Variants in ADGRB1 observed in about 807,000 individuals in gnomAD.
ADGRB1 encodes the protein brain-specific angiogenesis inhibitor 1.
Under a neutral mutation model 175.7 loss-of-function variants are expected in ADGRB1, and 36 were observed. That is an observed-to-expected ratio of 0.20 (90% CI 0.16 to 0.27). ADGRB1 has a LOEUF of 0.27. ADGRB1 is among the 10% of genes least tolerant of loss of function. The pLI, the probability that ADGRB1 is intolerant of heterozygous loss-of-function variation, is 1.00. For missense variants in ADGRB1, 1,731 were observed against 2,255.3 expected (o/e 0.77, Z 4.71); for synonymous variants, 1,054 against 979.4 (o/e 1.08, Z -1.42).
At chr8:142,528,933 G>A (rs1844412838) in intron 24 of ADGRB1, among the ~76,000 whole-genome samples, 1 of 152,236 alleles carries the variant, frequency 6.6e-6, no homozygotes, top group Non-Finnish European at 1.5e-5. Flanking sequence ...TAGGGAAGGA[G>A]CGGTGGTCAG....
intron 18 of ADGRB1, 42 bp from the exon 19 acceptor site, chr8:142,518,096 T>A (rs1563732964): frequency 6.3e-7 from 1 of 1,591,166 alleles, no homozygotes; most frequent in Admixed American, 1.7e-5. Context: ...AGTGGGCGAG[T>A]GGGGTGCCTC....
chr8:142,526,518 C>G, intron 23 of ADGRB1, 24 bp from the exon 24 acceptor site: 3 of 1,492,476 alleles, frequency 2.0e-6, no homozygotes, highest in Non-Finnish European at 1.8e-6. Context: ...CACCCCCACA[C>G]CCCCACCACT....
At chr8:142,514,469 G>A (rs769691270) in intron 18 of ADGRB1, among the ~76,000 whole-genome samples, 1 of 152,210 alleles carries the variant, frequency 6.6e-6, no homozygotes, top group Non-Finnish European at 1.5e-5. Flanking sequence ...CTGTCTCAGA[G>A]TGGTGGGGAC....
rs79494011 is a variant in ADGRB1 at position 142,506,152 on chromosome 8, G to A, written c.2676-4780G>A. ...AAACAGAACCAGAACTTGTCCCTTG[G>A]GTTTCTTGGCACGGAGGTCCTTGGC... On this transcript the variant is annotated intron_variant, in intron 17 of 30. Transcript: ENST00000517894. Among the ~76,000 whole-genome samples, 1,163 of 152,340 alleles carry A rather than the reference G, an allele frequency of 7.6e-3. 16 individuals are homozygous for A. The highest frequency in any genetic ancestry group is 0.026 in the African/African-American group (1,089 of 41,568).
At chr8:142,501,496 G>T (rs1271372876) in intron 17 of ADGRB1, among the ~76,000 whole-genome samples, 2 of 140,240 alleles carry the variant, frequency 1.4e-5, no homozygotes, top group Non-Finnish European at 1.5e-5. Context: ...GGTGGTGGTA[G>T]TGATGTTTGT....
chr8:142,460,523 C>T (rs1285317096), intron 1 of ADGRB1, among the ~76,000 whole-genome samples: 1 of 152,152 alleles, frequency 6.6e-6, no homozygotes, highest in Non-Finnish European at 1.5e-5. Context: ...TAACCTGAGC[C>T]CTCTCTCCCC....
intron 17 of ADGRB1, among the ~76,000 whole-genome samples, chr8:142,496,145 G>A (rs1201649380): frequency 6.7e-6 from 1 of 149,680 alleles, no homozygotes; most frequent in Non-Finnish European, 1.5e-5. Flanking sequence ...GAATAGGTGT[G>A]TGGGTGGGTG....
At chr8:142,525,926 CAG>C (rs907785967) in intron 23 of ADGRB1, among the ~76,000 whole-genome samples, 5 of 152,136 alleles carry the variant, frequency 3.3e-5, no homozygotes, top group Non-Finnish European at 5.9e-5. Context: ...GGCCAGGAGA[CAG>C]GGGGAGACCC....
intron 27 of ADGRB1, chr8:142,539,779 C>T (rs888894196): frequency 8.3e-5 from 31 of 373,046 alleles, no homozygotes; most frequent in Admixed American, 7.0e-4. Flanking sequence ...ACCCTAGTGC[C>T]GCTCCCCCCC....
chr8:142,488,384 C>T lies in ADGRB1; in HGVS notation c.2329C>T (p.Pro777Ser). 1 of 1,613,128 alleles carries T rather than the reference C, an allele frequency of 6.2e-7. No individual in the cohort carries two copies. ...CCCAGTTCTCAGCATCCATAAGCTC[C>T]CAGCCAGCGGAGCCACTGACATCAG... ...DNLVLSIHKLPASGATDISFP... is the reference protein window; with the variant it reads ...DNLVLSIHKLSASGATDISFP... Residue 777 changes from proline to serine, a missense_variant, in exon 14 of 31, where the codon CCA becomes TCA. This residue lies in a region of ADGRB1 where 388 missense variants were observed against 630.9 expected (regional missense o/e 0.61). Transcript: ENST00000517894.
At chr8:142,505,375 C>A (rs1842803480) in intron 17 of ADGRB1, among the ~76,000 whole-genome samples, 1 of 152,206 alleles carries the variant, frequency 6.6e-6, no homozygotes, top group Non-Finnish European at 1.5e-5. Flanking sequence ...AGTGGAGGTG[C>A]CTGTGGGGGC....
chr8:142,532,811 C>T (rs372180524), intron 24 of ADGRB1, among the ~76,000 whole-genome samples: 8 of 152,044 alleles, frequency 5.3e-5, no homozygotes, highest in Non-Finnish European at 8.8e-5. Context: ...TCCTCCTTGG[C>T]GCACCCCACA....
intron 25 of ADGRB1, among the ~76,000 whole-genome samples, chr8:142,536,696 C>T (rs906724918): frequency 1.3e-4 from 19 of 151,492 alleles, no homozygotes; most frequent in Admixed American, 4.6e-4. Flanking sequence ...TTCTCGCAGG[C>T]GGACTCTGGC....
chr8:142,458,423 C>T (rs537241070), intron 1 of ADGRB1, among the ~76,000 whole-genome samples: 1 of 152,270 alleles, frequency 6.6e-6, no homozygotes, highest in African/African-American at 2.4e-5. Flanking sequence ...GGGTTACTGC[C>T]TTGCCCACCT....
At chr8:142,539,494 C>A in intron 27 of ADGRB1, 81 bp downstream of exon 27, 1 of 1,502,804 alleles carries the variant, frequency 6.7e-7, no homozygotes, top group Non-Finnish European at 9.1e-7. Context: ...TGTGCCTCCC[C>A]CACATCACCC....
intron 24 of ADGRB1, among the ~76,000 whole-genome samples, chr8:142,529,323 G>T (rs1844443869): frequency 6.6e-6 from 1 of 152,048 alleles, no homozygotes; most frequent in Non-Finnish European, 1.5e-5. Context: ...AGCATGACCA[G>T]GTGTGTGCAG....
At chr8:142,452,760 C>A (rs894168787) in intron 1 of ADGRB1, among the ~76,000 whole-genome samples, 6 of 151,986 alleles carry the variant, frequency 3.9e-5, no homozygotes, top group Non-Finnish European at 8.8e-5. Flanking sequence ...CTGCGGCGTC[C>A]TCCGCCCCCG....
intron 20 of ADGRB1, 118 bp downstream of exon 20, chr8:142,521,043 CAGG>C (rs770918502): frequency 5.5e-5 from 52 of 944,190 alleles, no homozygotes; most frequent in Non-Finnish European, 7.6e-5. Flanking sequence ...GGTGTGGGGG[CAGG>C]AGGAGGCTGC....
At chr8:142,456,193 G>A (rs1193866267) in intron 1 of ADGRB1, among the ~76,000 whole-genome samples, 1 of 152,130 alleles carries the variant, frequency 6.6e-6, no homozygotes, top group African/African-American at 2.4e-5. Context: ...GATCTCACGG[G>A]CAGCTCCTCC....
Sources: allele counts gnomAD v4.1 joint callset (sites outside exome capture counted in the v4.1 genomes callset), GRCh38; gene constraint gnomAD v4.1.1; regional missense constraint gnomAD v4.1.1; transcripts MANE v1.5; gene names NCBI Gene and HGNC (gene_info 2026-07-23, HGNC 2026-07-21).